Variants in CBFA2T3 observed in about 807,000 individuals in gnomAD.
CBFA2T3 encodes CBFA2/RUNX1 partner transcriptional co-repressor 3, also known as transcriptional corepressor CBFA2T3.
Under a neutral mutation model 58.6 loss-of-function variants are expected in CBFA2T3, and 31 were observed. That is an observed-to-expected ratio of 0.53 (90% CI 0.40 to 0.71). The LOEUF is 0.71. Among genes scored for constraint, CBFA2T3 ranks in the 30% least tolerant of loss-of-function variants. The probability of loss-of-function intolerance (pLI) is 0.00; values close to 1 mark genes in which losing one functional copy is unlikely to be tolerated. For missense variants in CBFA2T3, 1,076 were observed against 963.1 expected (o/e 1.12, Z -1.55); for synonymous variants, 531 against 421.9 (o/e 1.26, Z -3.17).
chr16:88,976,699 C>T lies in CBFA2T3; in HGVS notation c.109G>A (p.Ala37Thr). 1 of 1,561,100 alleles carries T rather than the reference C, an allele frequency of 6.4e-7. No individual in the cohort carries two copies. Among genetic ancestry groups the T allele is most frequent in the Non-Finnish European group, 8.7e-7 (1 of 1,152,660 alleles). ...PVLESGLLASAGCSAPRGPRK... is the reference protein window; with the variant it reads ...PVLESGLLASTGCSAPRGPRK... ...GGACCCCGGGGTGCGGAGCAGCCGG[C>T]AGATGCCAGGAGGCCGCTCTCCAGC... The change falls in exon 1 of 12, where the codon GCC (alanine) becomes ACC (threonine). Residue 37 changes from alanine (A) to threonine (T), a missense_variant. Transcript: ENST00000268679.
chr16:88,897,953 C>A (rs1326153118), intron 3 of CBFA2T3, 125 bp downstream of exon 3: 7 of 736,224 alleles, frequency 9.5e-6, no homozygotes, highest in Non-Finnish European at 1.4e-5. Context: ...ACAACAGAGG[C>A]AATGCTGAGG....
intron 1 of CBFA2T3, among the ~76,000 whole-genome samples, chr16:88,933,838 C>T (rs1392365114): frequency 1.3e-5 from 2 of 152,058 alleles, no homozygotes; most frequent in Non-Finnish European, 2.9e-5. Context: ...TGGTGAAATC[C>T]CCGTCCCTCT....
intron 4 of CBFA2T3, 57 bp from the exon 5 acceptor site, chr16:88,892,028 G>T: frequency 1.3e-6 from 2 of 1,482,544 alleles, no homozygotes; most frequent in South Asian, 1.1e-5. Context: ...AGCCAGCGCC[G>T]ACCCACCCAT....
chr16:88,913,547 GGAGAA>G (rs1440510075), intron 1 of CBFA2T3, among the ~76,000 whole-genome samples: 1 of 152,190 alleles, frequency 6.6e-6, no homozygotes, highest in East Asian at 1.9e-4. Context: ...CTGGGAAGCT[GGAGAA>G]GAGAAGTGAC....
intron 1 of CBFA2T3, among the ~76,000 whole-genome samples, chr16:88,922,047 CTGATT>C (rs1411602656): frequency 6.6e-6 from 1 of 152,226 alleles, no homozygotes; most frequent in Non-Finnish European, 1.5e-5. Flanking sequence ...GCCCAGGGCT[CTGATT>C]TCAGGGCTGG....
intron 1 of CBFA2T3, among the ~76,000 whole-genome samples, chr16:88,962,904 C>T (rs1051003018): frequency 2.6e-5 from 4 of 152,152 alleles, no homozygotes; most frequent in South Asian, 2.1e-4. Context: ...AACCCCACCC[C>T]GCGTGTCTGA....
intron 1 of CBFA2T3, among the ~76,000 whole-genome samples, chr16:88,909,598 G>A (rs2549208): frequency 0.053 from 7,962 of 151,134 alleles, 371 homozygotes; most frequent in African/African-American, 0.12. Flanking sequence ...GACGGAGGAC[G>A]CCACTGCTTT....
At position 88,886,092 on chromosome 16, in the gene CBFA2T3, G is replaced by A. The variant is rs780751733; in HGVS notation, c.762C>T (p.Ala254=). ...QRELLHCARL[A]KQTPAQYLAQ... is the part of the protein sequence containing the mutation. The stretch of plus-strand genomic sequence containing the variant: ...CCAAGTACTGGGCGGGCGTCTGCTT[G>A]GCCAGGCGTGCACAGTGCAGGAGCT... The change falls in exon 6 of 12, where the codon GCC becomes GCT. Residue 254 remains alanine, a synonymous_variant. Coordinates refer to ENST00000268679, the MANE Select transcript of CBFA2T3 (RefSeq NM_005187.6). 7 of 1,590,062 alleles carry A rather than the reference G, an allele frequency of 4.4e-6. No homozygotes were observed. Among genetic ancestry groups the A allele is most frequent in the Admixed American group, 1.7e-5 (1 of 58,328 alleles).
At chr16:88,891,160 ACCGCCCTCACCTC>A (rs1216920543) in intron 5 of CBFA2T3, among the ~76,000 whole-genome samples, 5 of 151,668 alleles carry the variant, frequency 3.3e-5, no homozygotes, top group Admixed American at 6.6e-5. Context: ...CCGCCTGTCT[ACCGCCCTCACCTC>A]CCGCCCTCAC....
intron 1 of CBFA2T3, among the ~76,000 whole-genome samples, chr16:88,907,473 G>A (rs1970376757): frequency 6.6e-6 from 1 of 152,214 alleles, no homozygotes; most frequent in African/African-American, 2.4e-5. Flanking sequence ...TCTGACGCCC[G>A]GAGGGGAGGA....
At chr16:88,916,227 GGTGT>G (rs1188276528) in intron 1 of CBFA2T3, among the ~76,000 whole-genome samples, 2 of 115,146 alleles carry the variant, frequency 1.7e-5, no homozygotes, top group African/African-American at 7.8e-5. Context: ...TATACATGTG[GGTGT>G]GTGTATTCAT....
intron 1 of CBFA2T3, among the ~76,000 whole-genome samples, chr16:88,971,855 C>G (rs1230596497): frequency 1.3e-5 from 2 of 152,252 alleles, no homozygotes; most frequent in Non-Finnish European, 2.9e-5. Flanking sequence ...TGCGCCTCCC[C>G]GGTCAACTGC....
intron 1 of CBFA2T3, among the ~76,000 whole-genome samples, chr16:88,976,098 A>C (rs1409311055): frequency 1.3e-5 from 2 of 152,174 alleles, no homozygotes; most frequent in Admixed American, 6.5e-5. Context: ...CCCTCCCCAG[A>C]GCCCGAAGCC....
chr16:88,954,552 G>C (rs76226441), intron 1 of CBFA2T3, among the ~76,000 whole-genome samples: 38 of 77,272 alleles, frequency 4.9e-4, no homozygotes, highest in South Asian at 1.0e-3. Context: ...CCTGACCTCA[G>C]CCAAGGCTCC....
chr16:88,947,891 G>A (rs1180153749), intron 1 of CBFA2T3, among the ~76,000 whole-genome samples: 2 of 152,220 alleles, frequency 1.3e-5, no homozygotes, highest in African/African-American at 2.4e-5. Context: ...TCTAGCCTGG[G>A]TGATGGAACG....
intron 1 of CBFA2T3, among the ~76,000 whole-genome samples, chr16:88,930,527 C>T: frequency 6.6e-6 from 1 of 151,844 alleles, no homozygotes; most frequent in Non-Finnish European, 1.5e-5. Context: ...AGGAGGCTCC[C>T]CACTAGGCTC....
intron 10 of CBFA2T3, chr16:88,879,758 AG>A: frequency 2.5e-6 from 1 of 392,340 alleles, no homozygotes; most frequent in Non-Finnish European, 4.6e-6. Flanking sequence ...CACAAGTCAA[AG>A]CTTGCACTCT....
At chr16:88,972,594 C>T (rs114031998) in intron 1 of CBFA2T3, among the ~76,000 whole-genome samples, 292 of 152,312 alleles carry the variant, frequency 1.9e-3, no homozygotes, top group African/African-American at 6.7e-3. Context: ...AGCTTCCCTC[C>T]GAGCCTGGGG....
chr16:88,889,951 T>C lies in CBFA2T3; in HGVS notation c.711+1931A>G, dbSNP rs1288255487. Among the ~76,000 whole-genome samples the C allele has an allele frequency of 4.5e-4, 61 of 136,484 alleles. 2 individuals are homozygous for C. The allele number at this position is 136,484 out of a possible 152,430, so 89.5% of individuals were successfully genotyped here. ...CTCCTCCAGGGACGACGCCGTGCGATTCCTCCTCCTCCAGGGACGACGCCC... is the reference window on the plus strand; with the variant it reads ...CTCCTCCAGGGACGACGCCGTGCGACTCCTCCTCCTCCAGGGACGACGCCC... On this transcript the variant is annotated intron_variant, in intron 5 of 11. Coordinates refer to ENST00000268679, the MANE Select transcript of CBFA2T3 (RefSeq NM_005187.6).
Sources: allele counts gnomAD v4.1 joint callset (sites outside exome capture counted in the v4.1 genomes callset), GRCh38; gene constraint gnomAD v4.1.1; transcripts MANE v1.5; gene names NCBI Gene and HGNC (gene_info 2026-07-23, HGNC 2026-07-21).